The following UNC13C variants were observed in gnomAD, a reference collection of about 807,000 sequenced individuals.
UNC13C encodes the protein unc-13 homolog C.
In UNC13C, 174 loss-of-function variants were observed where a neutral mutation model predicts 245.4. The observed-to-expected ratio is 0.71, with a 90% CI of 0.63 to 0.80. The LOEUF (loss-of-function observed/expected upper bound fraction) is 0.80, where lower values mean the gene tolerates loss of function less well. UNC13C is among the 30% of genes least tolerant of loss of function. The pLI is 0.00. For synonymous variants in UNC13C, 992 were observed against 895.1 expected, an observed-to-expected ratio of 1.11 and a Z score of -1.93; for missense variants, 2,829 against 2,602.9, an observed-to-expected ratio of 1.09 and a Z score of -1.89.
At chr15:54,298,938 C>G (rs144758073) in intron 12 of UNC13C, among the ~76,000 whole-genome samples, 2 of 151,812 alleles carry the variant, frequency 1.3e-5, no homozygotes, top group Non-Finnish European at 2.9e-5. Flanking sequence ...ATATTTATAC[C>G]CCATTTTACT....
intron 19 of UNC13C, among the ~76,000 whole-genome samples, chr15:54,454,580 AAAC>A (rs1187008391): frequency 3.3e-5 from 5 of 150,996 alleles, no homozygotes; most frequent in African/African-American, 1.2e-4. Context: ...GAAAAAAAAA[AAAC>A]AACAATAACT....
chr15:54,255,449 G>T (rs1475842609), intron 8 of UNC13C, among the ~76,000 whole-genome samples: 1 of 152,024 alleles, frequency 6.6e-6, no homozygotes, highest in Non-Finnish European at 1.5e-5. Flanking sequence ...ATAGTCTGCC[G>T]ACGTGACGAT....
chr15:54,166,354 C>A (rs559738004), intron 4 of UNC13C, among the ~76,000 whole-genome samples: 6 of 151,934 alleles, frequency 3.9e-5, no homozygotes, highest in Non-Finnish European at 5.9e-5. Flanking sequence ...TTATTTATTA[C>A]CCAATCATAT....
At position 54,385,265 on chromosome 15, in the gene UNC13C, G is replaced by T. The variant is rs769074971; in HGVS notation, c.4714-7783G>T. ...TTCAACATAGTACTGGAAGTCCTTC[G>T]GTACTATGGAAAGATATGAAATCAA... On this transcript the variant is annotated intron_variant, in intron 17 of 32. Coordinates refer to ENST00000260323, the MANE Select transcript of UNC13C (RefSeq NM_001080534.3). Among the ~76,000 whole-genome samples the T allele has an allele frequency of 1.7e-4, 26 of 152,006 alleles. 1 individual carries two copies. The highest frequency in any genetic ancestry group is 1.1e-3 in the Admixed American group (17 of 15,234).
intron 2 of UNC13C, among the ~76,000 whole-genome samples, chr15:54,018,820 T>A (rs1895773600): frequency 6.6e-6 from 1 of 152,214 alleles, no homozygotes; most frequent in Non-Finnish European, 1.5e-5. Flanking sequence ...TCTTTTTTTT[T>A]AATCCTTTAA....
intron 2 of UNC13C, among the ~76,000 whole-genome samples, chr15:54,077,298 A>G (rs1403230756): frequency 1.4e-5 from 2 of 147,652 alleles, no homozygotes; most frequent in Admixed American, 1.3e-4. Context: ...TTATTTGCAA[A>G]TTGTATTTCT....
At chr15:53,995,465 GCCCAC>G (rs1446255244) in intron 1 of UNC13C, among the ~76,000 whole-genome samples, 1 of 120,580 alleles carries the variant, frequency 8.3e-6, no homozygotes, top group African/African-American at 4.0e-5. Flanking sequence ...TTCTTTGCCC[GCCCAC>G]CCCACCCCCC....
At chr15:54,362,593 A>G (rs2039259782) in intron 17 of UNC13C, among the ~76,000 whole-genome samples, 1 of 152,174 alleles carries the variant, frequency 6.6e-6, no homozygotes, top group African/African-American at 2.4e-5. Flanking sequence ...AGGGTTCACA[A>G]AAACGGAGTT....
At chr15:54,234,996 C>A in intron 4 of UNC13C, 34 bp from the exon 5 acceptor site, 1 of 1,580,838 alleles carries the variant, frequency 6.3e-7, no homozygotes, top group Non-Finnish European at 8.7e-7. Flanking sequence ...GTCATTTTAC[C>A]CATTGCAATT....
chr15:54,011,327 A>G (rs1566946528), intron 1 of UNC13C, among the ~76,000 whole-genome samples: 1 of 152,198 alleles, frequency 6.6e-6, no homozygotes, highest in Non-Finnish European at 1.5e-5. Context: ...CAGTAATGCC[A>G]GTCAGGAAAT....
downstream of UNC13C, chr15:54,629,938 T>G (rs1596720302): frequency 6.6e-6 from 1 of 152,246 alleles, no homozygotes; most frequent in South Asian, 2.1e-4. Flanking sequence ...GATTATAAAT[T>G]CTGTAGACTC....
intron 32 of UNC13C, among the ~76,000 whole-genome samples, chr15:54,626,324 A>G (rs1901143093): frequency 1.3e-5 from 2 of 152,144 alleles, no homozygotes; most frequent in Non-Finnish European, 2.9e-5. Flanking sequence ...TTTGTATCCA[A>G]TTTAGCATAT....
intron 18 of UNC13C, among the ~76,000 whole-genome samples, chr15:54,414,080 A>T (rs922957368): frequency 1.3e-5 from 2 of 152,190 alleles, no homozygotes; most frequent in African/African-American, 2.4e-5. Flanking sequence ...TCTTGTTTTT[A>T]ACCTAAGCTT....
At chr15:53,847,497 C>T in the UNC13C span, among the ~76,000 whole-genome samples, 1 of 150,848 alleles carries the variant, frequency 6.6e-6, no homozygotes, top group East Asian at 2.0e-4. Flanking sequence ...GCTGGGATTA[C>T]AGGTGTCCAC....
chr15:53,865,009 C>T, the UNC13C span, among the ~76,000 whole-genome samples: 8 of 152,232 alleles, frequency 5.3e-5, no homozygotes, highest in African/African-American at 1.9e-4. Flanking sequence ...ATTTGTTCAG[C>T]TGTGGTTTGG....
At chr15:53,852,467 G>T in the UNC13C span, among the ~76,000 whole-genome samples, 1 of 152,104 alleles carries the variant, frequency 6.6e-6, no homozygotes, top group East Asian at 1.9e-4. Flanking sequence ...TTCTCCCTAC[G>T]TATGTACAGA....
In UNC13C at chr15:54,563,700, A is replaced by G. The variant is rs188957665; in HGVS notation, c.5959-4100A>G. On this transcript the variant is annotated intron_variant, in intron 29 of 32. Transcript: ENST00000260323. ...CAACAAAATGCCCATTATAATGAGTAGTAATCAACTATACTGCACTGAGCT... is the reference window on the plus strand; with the variant it reads ...CAACAAAATGCCCATTATAATGAGTGGTAATCAACTATACTGCACTGAGCT... Among the ~76,000 whole-genome samples the G allele has an allele frequency of 2.4e-4, 36 of 152,208 alleles. 1 individual carries two copies. The East Asian group carries it at 6.2e-3, about 26-fold the overall frequency.
At chr15:54,420,006 T>A (rs2040604948) in intron 19 of UNC13C, among the ~76,000 whole-genome samples, 1 of 152,060 alleles carries the variant, frequency 6.6e-6, no homozygotes, top group Admixed American at 6.6e-5. Context: ...TCTAGTTAAT[T>A]GTTTTAGTAG....
intron 2 of UNC13C, among the ~76,000 whole-genome samples, chr15:54,134,972 C>T (rs1262903124): frequency 1.3e-5 from 2 of 152,074 alleles, no homozygotes; most frequent in Non-Finnish European, 2.9e-5. Context: ...ATGCCATTAC[C>T]AACACATTAT....
Sources: gnomAD v4.1 joint callset for allele counts (sites outside exome capture counted in the v4.1 genomes callset) on GRCh38, gnomAD v4.1.1 for gene constraint, MANE v1.5 for transcripts, NCBI Gene and HGNC (gene_info 2026-07-23, HGNC 2026-07-21) for gene names.